Variants in FOXN3 observed in about 807,000 individuals in gnomAD.
The protein encoded by FOXN3 is forkhead box N3.
FOXN3 carries 7 observed loss-of-function variants against 38.4 expected under a neutral mutation model. The observed-to-expected ratio is 0.18, with a 90% CI of 0.10 to 0.34. The LOEUF is 0.34. Among genes scored for constraint, FOXN3 ranks in the 10% least tolerant of loss-of-function variants. The pLI is 1.00. For synonymous variants in FOXN3, 230 were observed against 242.2 expected (o/e 0.95, Z 0.47); for missense variants, 456 against 613.4 (o/e 0.74, Z 2.71).
chr14:89,395,997 A>G (rs894610427), intron 2 of FOXN3, among the ~76,000 whole-genome samples: 12 of 152,166 alleles, frequency 7.9e-5, no homozygotes, highest in African/African-American at 2.4e-4. Flanking sequence ...TCCTTTGCTC[A>G]CCAGGAAGGA....
intron 4 of FOXN3, among the ~76,000 whole-genome samples, chr14:89,181,239 T>C (rs987709358): frequency 4.0e-5 from 6 of 151,676 alleles, no homozygotes; most frequent in African/African-American, 1.2e-4. Flanking sequence ...AGGCTTCAAA[T>C]AGTATTTTCT....
chr14:89,268,061 T>C (rs1886037082), intron 4 of FOXN3, among the ~76,000 whole-genome samples: 1 of 152,116 alleles, frequency 6.6e-6, no homozygotes, highest in Admixed American at 6.5e-5. Flanking sequence ...CACTTAAACA[T>C]ATATGCACCT....
chr14:89,472,782 CAGTT>C (rs1893132504), intron 1 of FOXN3, among the ~76,000 whole-genome samples: 2 of 150,898 alleles, frequency 1.3e-5, no homozygotes, highest in South Asian at 4.2e-4. Flanking sequence ...ACTAGGAACT[CAGTT>C]GGTCATTATA....
chr14:89,579,823 A>G (rs951439732), intron 1 of FOXN3, among the ~76,000 whole-genome samples: 3 of 152,108 alleles, frequency 2.0e-5, no homozygotes, highest in Admixed American at 1.3e-4. Flanking sequence ...TTGTATATTT[A>G]CTTGTTTAGC....
intron 3 of FOXN3, among the ~76,000 whole-genome samples, chr14:89,316,099 C>T (rs1182018936): frequency 6.6e-6 from 1 of 152,196 alleles, no homozygotes; most frequent in African/African-American, 2.4e-5. Context: ...TTGCTACAGC[C>T]AATAGGACAT....
intron 3 of FOXN3, among the ~76,000 whole-genome samples, chr14:89,328,090 A>G (rs1161042603): frequency 6.6e-6 from 1 of 152,270 alleles, no homozygotes; most frequent in Non-Finnish European, 1.5e-5. Context: ...AACAGCCAGG[A>G]TCGTTAAACT....
upstream of FOXN3, chr14:89,419,044 G>C (rs1449623877): frequency 2.3e-6 from 1 of 440,020 alleles, no homozygotes; most frequent in Non-Finnish European, 4.6e-6. Flanking sequence ...CTTTCTCAGA[G>C]TTCAAAAAGA....
intron 4 of FOXN3, among the ~76,000 whole-genome samples, chr14:89,263,136 C>T (rs931459644): frequency 2.0e-5 from 3 of 152,210 alleles, no homozygotes; most frequent in African/African-American, 7.2e-5. Context: ...AAAACAATTA[C>T]TTCACCGACA....
At chr14:89,186,114 C>T (rs1887800075) in intron 4 of FOXN3, among the ~76,000 whole-genome samples, 1 of 152,216 alleles carries the variant, frequency 6.6e-6, no homozygotes, top group East Asian at 1.9e-4. Context: ...AGCTGAGCAG[C>T]AGGTGATTCC....
intron 1 of FOXN3, among the ~76,000 whole-genome samples, chr14:89,509,819 G>A (rs1296888340): frequency 6.6e-6 from 1 of 152,238 alleles, no homozygotes; most frequent in South Asian, 2.1e-4. Flanking sequence ...CCAATGAATT[G>A]TTTGCTTACA....
rs72014136 is a variant in FOXN3, at chr14:89,335,077, TCACACACACACACACACACACACACA to T, written c.680+15569_680+15594del. Among the ~76,000 whole-genome samples, 6 of 139,344 alleles carry T rather than the reference TCACACACACACACACACACACACACA, an allele frequency of 4.3e-5. 1 individual carries two copies. The highest frequency in any genetic ancestry group is 7.9e-5 in the Non-Finnish European group (5 of 63,104). The allele number at this position is 139,344 out of a possible 152,430, so 91.4% of individuals were successfully genotyped here. A position where few individuals can be genotyped will look rare whatever the true frequency, so the allele number is the denominator to read the frequency against. ...AGAGTAGAACTTAACTATTTTCATA[TCACACACACACACACACACACACACA>T]CACACACACACACACACACAAATGG... On this transcript the variant is annotated intron_variant, in intron 3 of 5. Coordinates refer to ENST00000557258, the MANE Select transcript of FOXN3 (RefSeq NM_005197.4).
rs146334951 is a variant in FOXN3, at chr14:89,382,773, C to T, written c.543+29161G>A. 5.8e-3 allele frequency among the ~76,000 whole-genome samples: 886 copies of T among 152,252 alleles called. 6 individuals carry two copies. The highest frequency in any genetic ancestry group is 0.027 in the Middle Eastern group (8 of 294). Reference sequence around the variant, plus strand: ...GAGCTCTTTAGATAACATATGAAACCGCTTGGCAAAGAGGGGATGGTGTTT... The same window carrying T: ...GAGCTCTTTAGATAACATATGAAACTGCTTGGCAAAGAGGGGATGGTGTTT... On this transcript the variant is annotated intron_variant, in intron 2 of 5. Transcript: ENST00000557258.
intron 3 of FOXN3, among the ~76,000 whole-genome samples, chr14:89,318,410 C>T (rs572014410): frequency 1.1e-4 from 17 of 152,266 alleles, no homozygotes; most frequent in African/African-American, 4.1e-4. Flanking sequence ...CCACCCATCT[C>T]AGCCTCCCAC....
intron 4 of FOXN3, among the ~76,000 whole-genome samples, chr14:89,249,165 G>C (rs1453315715): frequency 1.3e-5 from 2 of 152,162 alleles, no homozygotes; most frequent in African/African-American, 2.4e-5. Context: ...CAGATACACT[G>C]TACTCACTAA....
At position 89,464,152 on chromosome 14, in the gene FOXN3, C is replaced by T. The variant is rs1426304097; in HGVS notation, c.-14-51662G>A. Among the ~76,000 whole-genome samples, 6 of 152,186 alleles carry T rather than the reference C, an allele frequency of 3.9e-5. No homozygotes were observed. The East Asian group carries it at 7.7e-4, about 20-fold the overall frequency. On this transcript the variant is annotated intron_variant, in intron 1 of 6. Transcript: ENST00000345097. ...AGACAGAGTGGATCCCAGTCTCCTC[C>T]AGATTTCTCAGCTGAGTAGAGATGT...
At chr14:89,487,424 G>T (rs1427905127) in intron 1 of FOXN3, among the ~76,000 whole-genome samples, 1 of 152,178 alleles carries the variant, frequency 6.6e-6, no homozygotes, top group African/African-American at 2.4e-5. Flanking sequence ...CATCAATATT[G>T]ACTGACAGTT....
intron 3 of FOXN3, among the ~76,000 whole-genome samples, chr14:89,297,962 G>A (rs1830895211): frequency 6.6e-6 from 1 of 152,182 alleles, no homozygotes; most frequent in Admixed American, 6.5e-5. Context: ...TCTGGCCTGG[G>A]TGACAGACAG....
intron 4 of FOXN3, chr14:89,264,055 T>A (rs1268044951): frequency 6.8e-6 from 1 of 146,414 alleles, no homozygotes; most frequent in East Asian, 2.1e-4. Flanking sequence ...TAAGACTCCA[T>A]CTCAAAAAAA....
intron 4 of FOXN3, among the ~76,000 whole-genome samples, chr14:89,277,008 A>G (rs1886319282): frequency 6.6e-6 from 1 of 152,200 alleles, no homozygotes; most frequent in African/African-American, 2.4e-5. Context: ...GAATGTCTTT[A>G]ATTATGAATC....
Sources: allele counts gnomAD v4.1 joint callset (sites outside exome capture counted in the v4.1 genomes callset), GRCh38; gene constraint gnomAD v4.1.1; transcripts MANE v1.5; gene names NCBI Gene and HGNC (gene_info 2026-07-23, HGNC 2026-07-21).